ASTN2: variants seen among roughly 807,000 people sequenced by gnomAD.
ASTN2 encodes astrotactin-2.
A neutral mutation model predicts 139.8 loss-of-function variants in ASTN2; 54 were observed. The ratio of observed to expected loss-of-function variants is 0.39; its 90% confidence interval spans 0.31 to 0.48. The LOEUF is 0.48. ASTN2 is among the 20% of genes least tolerant of loss of function. The pLI, the probability that ASTN2 is intolerant of heterozygous loss-of-function variation, is 0.95. For missense variants in ASTN2, 1,565 were observed against 1,725.1 expected, an observed-to-expected ratio of 0.91 and a Z score of 1.64; for synonymous variants, 756 against 719.5, an observed-to-expected ratio of 1.05 and a Z score of -0.81.
intron 5 of ASTN2, among the ~76,000 whole-genome samples, chr9:117,062,713 T>C (rs547621027): frequency 2.2e-4 from 33 of 152,320 alleles, no homozygotes; most frequent in Admixed American, 1.2e-3. Flanking sequence ...TACACACTCA[T>C]GTATGTGTGC....
intron 7 of ASTN2, among the ~76,000 whole-genome samples, chr9:116,978,303 T>C (rs1287605692): frequency 6.6e-6 from 1 of 152,172 alleles, no homozygotes; most frequent in Non-Finnish European, 1.5e-5. Flanking sequence ...TGACTTTGCT[T>C]ACTGCCTAGA....
At position 116,775,223 on chromosome 9, in the gene ASTN2, AAAGGCCCAATTAC is replaced by A. The variant is rs572504411; in HGVS notation, c.2396+30396_2396+30408del. On this transcript the variant is annotated intron_variant, in intron 13 of 22. Coordinates refer to ENST00000313400, the MANE Select transcript of ASTN2 (RefSeq NM_001365068.1). ...CTGAGTCCCTCAGCAGAGGATAATA[AAAGGCCCAATTAC>A]AACCTCCACACTCTGAGATTTCAAA... 3.3e-5 allele frequency among the ~76,000 whole-genome samples: 5 copies of A among 152,192 alleles called. No homozygotes were observed. In the South Asian group the frequency reaches 1.0e-3, roughly 32 times the overall value.
chr9:117,323,456 G>A (rs1265852303), intron 1 of ASTN2, among the ~76,000 whole-genome samples: 26 of 152,100 alleles, frequency 1.7e-4, no homozygotes, highest in Admixed American at 1.6e-3. Context: ...CAGGGAACAT[G>A]GATCTTAGCT....
chr9:117,098,009 G>A (rs1828879737), intron 4 of ASTN2, among the ~76,000 whole-genome samples: 1 of 152,162 alleles, frequency 6.6e-6, no homozygotes. Context: ...AAGATGCAAA[G>A]ACATGCTTAG....
chr9:116,631,243 G>A (rs1358575651), intron 17 of ASTN2, among the ~76,000 whole-genome samples: 1 of 152,152 alleles, frequency 6.6e-6, no homozygotes. Context: ...ATGCTAAAGA[G>A]ATATCTGCAC....
rs115385766 is a variant in ASTN2, at chr9:116,807,433, T to A, written c.2208-1613A>T. Among the ~76,000 whole-genome samples, 1,003 of 152,286 alleles carry A rather than the reference T, an allele frequency of 6.6e-3. 10 individuals carry two copies. Among genetic ancestry groups the A allele is most frequent in the African/African-American group, 0.023 (960 of 41,556 alleles). ...TGTTTCCTTGCTTTCCCCTAATCCC[T>A]GGCGTACTGCACTGATGCACTGATG... On this transcript the variant is annotated intron_variant, in intron 12 of 22. Coordinates refer to ENST00000313400, the MANE Select transcript of ASTN2 (RefSeq NM_001365068.1).
chr9:116,646,254 T>C (rs1039915800), intron 17 of ASTN2, among the ~76,000 whole-genome samples: 7 of 152,234 alleles, frequency 4.6e-5, no homozygotes, highest in Admixed American at 4.6e-4. Flanking sequence ...ATTTTTGTTT[T>C]GTTCTGTTTT....
chr9:116,801,252 C>T (rs1282530527), intron 13 of ASTN2, among the ~76,000 whole-genome samples: 2 of 152,072 alleles, frequency 1.3e-5, no homozygotes, highest in South Asian at 2.1e-4. Context: ...GCTCCATCCT[C>T]CCTGCTGTCT....
chr9:117,102,756 A>G (rs1829011674), intron 4 of ASTN2, among the ~76,000 whole-genome samples: 1 of 152,108 alleles, frequency 6.6e-6, no homozygotes, highest in South Asian at 2.1e-4. Context: ...TCCTGACCTT[A>G]GATGATCTGC....
chr9:117,269,991 C>A (rs141219457), intron 2 of ASTN2, among the ~76,000 whole-genome samples: 1 of 152,030 alleles, frequency 6.6e-6, no homozygotes, highest in African/African-American at 2.4e-5. Context: ...AAAAGAAAGC[C>A]GTGGCTCAAA....
At chr9:117,182,006 G>A (rs1438260480) in intron 3 of ASTN2, among the ~76,000 whole-genome samples, 1 of 152,066 alleles carries the variant, frequency 6.6e-6, no homozygotes, top group African/African-American at 2.4e-5. Flanking sequence ...CTGTGAAATG[G>A]TGTCCCTGCT....
Position 116,761,816 on chromosome 9 carries a change from T to C in ASTN2, c.2397-28293A>G, listed in dbSNP as rs531833470. On this transcript the variant is annotated intron_variant, in intron 13 of 22. Transcript: ENST00000313400. ...AGCAGGGGAGTGATCTAATGAGACC[T>C]GCATGTTAGACGATCATTCTGGCTG... Among the ~76,000 whole-genome samples, 8 of 152,266 alleles carry C rather than the reference T, an allele frequency of 5.3e-5. No homozygotes were observed. The South Asian group carries it at 1.7e-3, about 32-fold the overall frequency.
intron 1 of ASTN2, among the ~76,000 whole-genome samples, chr9:117,359,744 CAG>C (rs925156987): frequency 1.7e-4 from 26 of 152,168 alleles, no homozygotes; most frequent in African/African-American, 6.0e-4. Flanking sequence ...CTATCAGAGA[CAG>C]GGGGAAGGAG....
At chr9:117,086,357 A>G (rs1476241325) in intron 5 of ASTN2, among the ~76,000 whole-genome samples, 1 of 152,112 alleles carries the variant, frequency 6.6e-6, no homozygotes, top group Admixed American at 6.6e-5. Flanking sequence ...GGCGGATCAC[A>G]AGGTCATGAA....
chr9:116,861,608 T>C (rs1588362494), intron 11 of ASTN2, among the ~76,000 whole-genome samples: 1 of 152,126 alleles, frequency 6.6e-6, no homozygotes, highest in Non-Finnish European at 1.5e-5. Context: ...TTCTTGAGAG[T>C]CTATGCCTTC....
intron 16 of ASTN2, among the ~76,000 whole-genome samples, chr9:116,703,582 G>T (rs1322972158): frequency 6.6e-6 from 1 of 151,320 alleles, no homozygotes; most frequent in African/African-American, 2.4e-5. Flanking sequence ...GTGGTGGGGT[G>T]GGGGGAGTGG....
intron 19 of ASTN2, among the ~76,000 whole-genome samples, chr9:116,618,026 A>C (rs1855939584): frequency 6.6e-6 from 1 of 152,228 alleles, no homozygotes. Context: ...TGAGTCCTGC[A>C]GGCCTTCCCA....
chr9:116,947,969 A>T (rs1835445377), intron 10 of ASTN2, among the ~76,000 whole-genome samples: 1 of 152,194 alleles, frequency 6.6e-6, no homozygotes, highest in Non-Finnish European at 1.5e-5. Context: ...CAGTTTTTCC[A>T]TGTCTTTCAT....
intron 1 of ASTN2, among the ~76,000 whole-genome samples, chr9:117,387,973 C>A (rs1355089534): frequency 1.3e-5 from 2 of 152,112 alleles, no homozygotes; most frequent in Admixed American, 1.3e-4. Flanking sequence ...TCTCACTGTA[C>A]TTCACAAAGC....
Sources: allele counts gnomAD v4.1 joint callset (sites outside exome capture counted in the v4.1 genomes callset), GRCh38; gene constraint gnomAD v4.1.1; transcripts MANE v1.5; gene names NCBI Gene and HGNC (gene_info 2026-07-23, HGNC 2026-07-21).